The following NPAS3 variants were observed in gnomAD, a reference collection of about 807,000 sequenced individuals.
The protein encoded by NPAS3 is neuronal PAS domain-containing protein 3.
A neutral mutation model predicts 73.1 loss-of-function variants in NPAS3; 14 were observed. The ratio of observed to expected loss-of-function variants is 0.19; its 90% CI spans 0.13 to 0.30. The LOEUF is 0.30. Among genes scored for constraint, NPAS3 ranks in the 10% least tolerant of loss-of-function variants. NPAS3 has a pLI of 1.00. For missense variants in NPAS3, 1,096 were observed against 1,250.0 expected (o/e 0.88, Z 1.86); for synonymous variants, 620 against 541.5 (o/e 1.14, Z -2.01).
chr14:33,763,111 G>A (rs1041433886), intron 7 of NPAS3, among the ~76,000 whole-genome samples: 2 of 152,104 alleles, frequency 1.3e-5, no homozygotes, highest in African/African-American at 2.4e-5. Context: ...CTCAGTCTTC[G>A]CTTCTTTAAT....
intron 2 of NPAS3, among the ~76,000 whole-genome samples, chr14:33,186,754 G>C (rs2045990538): frequency 6.6e-6 from 1 of 152,038 alleles, no homozygotes. Flanking sequence ...TTTTTGTTTA[G>C]TGTGTCCAGA....
At chr14:33,714,354 A>C (rs1015892266) in intron 6 of NPAS3, among the ~76,000 whole-genome samples, 7 of 151,946 alleles carry the variant, frequency 4.6e-5, no homozygotes, top group Admixed American at 3.9e-4. Flanking sequence ...TAACTTCAAA[A>C]CCTAGAACGG....
chr14:33,419,635 T>A (rs931198122), intron 4 of NPAS3, among the ~76,000 whole-genome samples: 1 of 151,910 alleles, frequency 6.6e-6, no homozygotes, highest in African/African-American at 2.4e-5. Context: ...TCTTTTCAGA[T>A]AGGAAAATAA....
intron 5 of NPAS3, among the ~76,000 whole-genome samples, chr14:33,653,198 T>C (rs2059048895): frequency 6.6e-6 from 1 of 152,222 alleles, no homozygotes; most frequent in African/African-American, 2.4e-5. Context: ...TTAAAGTAGG[T>C]CCCTGGACCT....
At chr14:33,034,760 A>G (rs1489821270) in intron 1 of NPAS3, among the ~76,000 whole-genome samples, 1 of 152,124 alleles carries the variant, frequency 6.6e-6, no homozygotes, top group African/African-American at 2.4e-5. Context: ...ACTCTCAGAG[A>G]GCACCTAACG....
chr14:33,616,988 T>C (rs1567057956), intron 5 of NPAS3, among the ~76,000 whole-genome samples: 1 of 152,238 alleles, frequency 6.6e-6, no homozygotes, highest in Non-Finnish European at 1.5e-5. Context: ...CTATTTTTCA[T>C]GGCATTAATC....
chr14:33,260,400 T>C (rs1437545283), intron 3 of NPAS3, among the ~76,000 whole-genome samples: 1 of 152,114 alleles, frequency 6.6e-6, no homozygotes, highest in East Asian at 1.9e-4. Context: ...CCTGTCATTC[T>C]ACAATAGCCA....
intron 7 of NPAS3, among the ~76,000 whole-genome samples, chr14:33,761,075 A>T (rs1196697111): frequency 1.3e-5 from 2 of 152,230 alleles, no homozygotes; most frequent in East Asian, 3.8e-4. Context: ...AGAACCCTAT[A>T]AAGAAACTTT....
At chr14:32,999,338 C>T (rs1172287564) in intron 1 of NPAS3, among the ~76,000 whole-genome samples, 1 of 151,986 alleles carries the variant, frequency 6.6e-6, no homozygotes, top group Non-Finnish European at 1.5e-5. Flanking sequence ...GGTGAAACCC[C>T]ATCTCTACTA....
intron 4 of NPAS3, among the ~76,000 whole-genome samples, chr14:33,392,705 G>A (rs2047059743): frequency 6.6e-6 from 1 of 152,138 alleles, no homozygotes; most frequent in Admixed American, 6.6e-5. Flanking sequence ...ATGGTGTGGT[G>A]TTTGAGTAGT....
intron 4 of NPAS3, among the ~76,000 whole-genome samples, chr14:33,376,438 CT>C (rs962120833): frequency 2.6e-5 from 4 of 151,952 alleles, no homozygotes; most frequent in South Asian, 2.1e-4. Flanking sequence ...TCAGTATATG[CT>C]TTTTTTTCCC....
At chr14:33,349,905 C>T (rs537071592) in intron 3 of NPAS3, among the ~76,000 whole-genome samples, 13 of 152,202 alleles carry the variant, frequency 8.5e-5, no homozygotes, top group African/African-American at 2.9e-4. Context: ...AAATTCTTCT[C>T]TAGCAGGAGA....
At chr14:33,713,489 A>T (rs1233507527) in intron 6 of NPAS3, among the ~76,000 whole-genome samples, 1 of 152,234 alleles carries the variant, frequency 6.6e-6, no homozygotes, top group Non-Finnish European at 1.5e-5. Flanking sequence ...CTAACTTCTC[A>T]TGGTAGAATT....
chr14:33,197,624 A>G (rs780868531), intron 2 of NPAS3, among the ~76,000 whole-genome samples: 1 of 152,242 alleles, frequency 6.6e-6, no homozygotes, highest in Non-Finnish European at 1.5e-5. Flanking sequence ...CAAACCCTAA[A>G]GCAGAAGAGA....
chr14:33,511,662 G>T (rs988020741), intron 4 of NPAS3, among the ~76,000 whole-genome samples: 2 of 152,016 alleles, frequency 1.3e-5, no homozygotes, highest in Non-Finnish European at 2.9e-5. Flanking sequence ...CCTGCTCACT[G>T]GTAGGCAGTG....
At chr14:33,751,301 A>T (rs983256670) in intron 7 of NPAS3, among the ~76,000 whole-genome samples, 2 of 152,216 alleles carry the variant, frequency 1.3e-5, no homozygotes, top group African/African-American at 4.8e-5. Flanking sequence ...GATTTAAACA[A>T]GTCATTAAAT....
chr14:33,337,858 T>A (rs926814070), intron 3 of NPAS3, among the ~76,000 whole-genome samples: 3 of 152,122 alleles, frequency 2.0e-5, no homozygotes, highest in Non-Finnish European at 4.4e-5. Flanking sequence ...GTGAATAGAA[T>A]TTAATTTTCA....
chr14:33,794,405 C>G (rs2063452354), intron 10 of NPAS3, among the ~76,000 whole-genome samples: 1 of 152,192 alleles, frequency 6.6e-6, no homozygotes. Flanking sequence ...AGCACACACA[C>G]ACTCACACAC....
intron 2 of NPAS3, among the ~76,000 whole-genome samples, chr14:33,208,859 T>C (rs2046926372): frequency 6.6e-6 from 1 of 152,188 alleles, no homozygotes; most frequent in African/African-American, 2.4e-5. Flanking sequence ...CATCAGACCA[T>C]CAAACAGTGC....
Sources: gnomAD v4.1 joint callset for allele counts (sites outside exome capture counted in the v4.1 genomes callset) on GRCh38, gnomAD v4.1.1 for gene constraint, MANE v1.5 for transcripts, NCBI Gene and HGNC (gene_info 2026-07-23, HGNC 2026-07-21) for gene names.